CSNK1G3: variants seen among roughly 807,000 people sequenced by gnomAD.
The protein encoded by CSNK1G3 is casein kinase I isoform gamma-3.
In CSNK1G3, 23 loss-of-function variants were observed where a neutral mutation model predicts 64.3. The observed-to-expected ratio is 0.36, with a 90% CI of 0.26 to 0.51. The LOEUF is 0.51. Ranked by LOEUF, CSNK1G3 falls within the 20% of genes least tolerant of loss-of-function variation. The probability of loss-of-function intolerance (pLI) is 0.96; values close to 1 mark genes in which losing one functional copy is unlikely to be tolerated. For missense variants in CSNK1G3, 357 were observed against 510.5 expected (o/e 0.70, Z 2.90); for synonymous variants, 158 against 162.2 (o/e 0.97, Z 0.20).
At chr5:123,563,084 G>T (rs1238604819) in intron 4 of CSNK1G3, among the ~76,000 whole-genome samples, 1 of 151,890 alleles carries the variant, frequency 6.6e-6, no homozygotes, top group Non-Finnish European at 1.5e-5. Context: ...GCATTCCTTG[G>T]AACATCTTAA....
intron 12 of CSNK1G3, among the ~76,000 whole-genome samples, chr5:123,606,587 C>T (rs938590536): frequency 3.3e-5 from 5 of 152,100 alleles, no homozygotes; most frequent in Non-Finnish European, 5.9e-5. Context: ...GTCTGGCACA[C>T]GGCAGGTACT....
At chr5:123,566,213 A>T (rs1786840567) in intron 4 of CSNK1G3, among the ~76,000 whole-genome samples, 1 of 152,178 alleles carries the variant, frequency 6.6e-6, no homozygotes, top group South Asian at 2.1e-4. Flanking sequence ...ATACCAACAT[A>T]TAAAATGAGA....
chr5:123,536,595 A>G (rs997411219), intron 1 of CSNK1G3, among the ~76,000 whole-genome samples: 24 of 152,214 alleles, frequency 1.6e-4, no homozygotes, highest in African/African-American at 7.2e-5. Flanking sequence ...AATGTTTGAG[A>G]TGATGCCTAT....
At chr5:123,587,533 G>A (rs1026770875) in intron 6 of CSNK1G3, among the ~76,000 whole-genome samples, 4 of 152,238 alleles carry the variant, frequency 2.6e-5, no homozygotes, top group South Asian at 4.1e-4. Flanking sequence ...TAGTGAAGGG[G>A]TTATTAATGT....
chr5:123,546,767 C>A (rs561227200), intron 2 of CSNK1G3, among the ~76,000 whole-genome samples: 1 of 152,196 alleles, frequency 6.6e-6, no homozygotes, highest in East Asian at 1.9e-4. Flanking sequence ...ACTACTTCTT[C>A]TTTTCATCTT....
chr5:123,513,360 A>G (rs1477516202), intron 1 of CSNK1G3, among the ~76,000 whole-genome samples: 1 of 151,998 alleles, frequency 6.6e-6, no homozygotes, highest in Non-Finnish European at 1.5e-5. Context: ...GGCCTGTGTC[A>G]TGGTCATTCC....
intron 6 of CSNK1G3, among the ~76,000 whole-genome samples, chr5:123,584,301 G>T (rs1377027885): frequency 2.6e-5 from 4 of 151,644 alleles, no homozygotes; most frequent in African/African-American, 4.9e-5. Context: ...GACATTTTTC[G>T]TAGTTGTTGT....
intron 1 of CSNK1G3, among the ~76,000 whole-genome samples, chr5:123,528,889 C>A (rs191665558): frequency 6.6e-6 from 1 of 152,192 alleles, no homozygotes; most frequent in East Asian, 1.9e-4. Flanking sequence ...TTCACAGACA[C>A]GTACATACAC....
At chr5:123,558,671 A>G (rs1012403891) in intron 4 of CSNK1G3, among the ~76,000 whole-genome samples, 3 of 152,348 alleles carry the variant, frequency 2.0e-5, no homozygotes, top group African/African-American at 7.2e-5. Context: ...TCATCACTAC[A>G]GACTTCTTAT....
At chr5:123,548,153 G>A (rs1782910844) in intron 2 of CSNK1G3, among the ~76,000 whole-genome samples, 1 of 151,960 alleles carries the variant, frequency 6.6e-6, no homozygotes, top group Non-Finnish European at 1.5e-5. Flanking sequence ...ACATTGCAGG[G>A]CATTTAAAAC....
chr5:123,557,671 G>C (rs980046213), intron 4 of CSNK1G3, 107 bp downstream of exon 4: 4 of 704,822 alleles, frequency 5.7e-6, no homozygotes, highest in Non-Finnish European at 7.0e-6. Flanking sequence ...ACTTTGCAAG[G>C]CTATGTTTAC....
chr5:123,514,721 T>G (rs1776838419), intron 1 of CSNK1G3, among the ~76,000 whole-genome samples: 1 of 151,326 alleles, frequency 6.6e-6, no homozygotes, highest in Admixed American at 6.6e-5. Flanking sequence ...GGGGTGATGG[T>G]GGGGGTAGTT....
intron 1 of CSNK1G3, among the ~76,000 whole-genome samples, chr5:123,518,417 G>A (rs1298693874): frequency 6.6e-6 from 1 of 152,194 alleles, no homozygotes; most frequent in Non-Finnish European, 1.5e-5. Flanking sequence ...GCTAGTACTT[G>A]AGAGCTCTGG....
intron 1 of CSNK1G3, among the ~76,000 whole-genome samples, chr5:123,536,195 A>G (rs1259005203): frequency 6.6e-6 from 1 of 152,116 alleles, no homozygotes; most frequent in Non-Finnish European, 1.5e-5. Flanking sequence ...TACACATCAA[A>G]TGAAAAGTAA....
At chr5:123,545,766 G>A in exon 2 of CSNK1G3, 1 of 1,613,712 alleles carries the variant, frequency 6.2e-7, no homozygotes, top group African/African-American at 1.3e-5. Flanking sequence ...TTCATCGTCT[G>A]GAGTTTTAAT....
chr5:123,538,816 T>G (rs1038732559), intron 1 of CSNK1G3, among the ~76,000 whole-genome samples: 1 of 152,062 alleles, frequency 6.6e-6, no homozygotes, highest in Non-Finnish European at 1.5e-5. Flanking sequence ...CATTTGGAAG[T>G]GTTTGTATTT....
chr5:123,580,176 G>A (rs143530361), intron 6 of CSNK1G3, among the ~76,000 whole-genome samples: 6 of 151,976 alleles, frequency 3.9e-5, no homozygotes, highest in African/African-American at 1.4e-4. Context: ...GGATCTTGGT[G>A]ATTACTTTTA....
At chr5:123,548,400 A>C (rs1782959567) in intron 2 of CSNK1G3, among the ~76,000 whole-genome samples, 1 of 143,296 alleles carries the variant, frequency 7.0e-6, no homozygotes, top group African/African-American at 2.6e-5. Context: ...TTAAGGTTGC[A>C]GTGACCTGTG....
rs150759506 is a variant in CSNK1G3 at position 123,565,426 on chromosome 5, C to G, written c.289+7862C>G. 9.8e-4 allele frequency among the ~76,000 whole-genome samples: 149 copies of G among 152,104 alleles called. 1 individual carries two copies. Among genetic ancestry groups the G allele is most frequent in the African/African-American group, 3.5e-3 (147 of 41,490 alleles). On this transcript the variant is annotated intron_variant, in intron 4 of 12. Transcript: ENST00000345990. The stretch of plus-strand genomic sequence containing the variant: ...AAGAATGCCTTAATGCAAAATTACC[C>G]TAAAAAAAAGATAGGGTGATACTGT...
Sources: allele counts gnomAD v4.1 joint callset (sites outside exome capture counted in the v4.1 genomes callset), GRCh38; gene constraint gnomAD v4.1.1; transcripts MANE v1.5; gene names NCBI Gene and HGNC (gene_info 2026-07-23, HGNC 2026-07-21).